Variants in GPHN observed in about 807,000 individuals in gnomAD.
GPHN encodes gephyrin.
Under a neutral mutation model 95.5 loss-of-function variants are expected in GPHN, and 17 were observed. The observed-to-expected ratio is 0.18, with a 90% confidence interval of 0.12 to 0.27. The LOEUF (loss-of-function observed/expected upper bound fraction) is 0.27, where lower values mean the gene tolerates loss of function less well. Among genes scored for constraint, GPHN ranks in the 10% least tolerant of loss-of-function variants. The pLI, the probability that GPHN is intolerant of heterozygous loss-of-function variation, is 1.00. For synonymous variants in GPHN, 320 were observed against 322.5 expected (o/e 0.99, Z 0.08); for missense variants, 660 against 978.1 (o/e 0.67, Z 4.34).
chr14:67,258,840 G>A, the GPHN span, among the ~76,000 whole-genome samples: 14 of 152,000 alleles, frequency 9.2e-5, no homozygotes, highest in South Asian at 2.9e-3. Flanking sequence ...AATATGTTCG[G>A]ATGATTTTAA....
chr14:66,522,665 C>G (rs2058528541), intron 1 of GPHN, among the ~76,000 whole-genome samples: 1 of 151,926 alleles, frequency 6.6e-6, no homozygotes, highest in African/African-American at 2.4e-5. Flanking sequence ...TATATGTATT[C>G]TTTTACTTTT....
the GPHN span, among the ~76,000 whole-genome samples, chr14:67,445,687 G>T: frequency 7.1e-6 from 1 of 141,618 alleles, no homozygotes; most frequent in Middle Eastern, 4.1e-3. Context: ...AGGCTCAAAT[G>T]ATCCTCCCAC....
intron 4 of GPHN, among the ~76,000 whole-genome samples, chr14:66,848,759 A>G (rs187746762): frequency 6.6e-6 from 1 of 152,118 alleles, no homozygotes; most frequent in East Asian, 1.9e-4. Flanking sequence ...GAACATGGAA[A>G]TAATACATGC....
chr14:67,119,147 T>C (rs1567358436), intron 16 of GPHN, among the ~76,000 whole-genome samples: 1 of 152,240 alleles, frequency 6.6e-6, no homozygotes, highest in Non-Finnish European at 1.5e-5. Flanking sequence ...TTAAAACAAG[T>C]TGTCCATGAT....
intron 2 of GPHN, among the ~76,000 whole-genome samples, chr14:66,726,170 C>T (rs966627328): frequency 2.0e-5 from 3 of 152,194 alleles, no homozygotes; most frequent in African/African-American, 7.2e-5. Flanking sequence ...TATGCCTTAT[C>T]TACTCCCGTT....
chr14:67,353,001 C>G, the GPHN span: 6 of 1,613,874 alleles, frequency 3.7e-6, no homozygotes, highest in African/African-American at 1.3e-5. Context: ...TTCGACCTGT[C>G]TGTGCTCCCT....
At chr14:66,952,987 C>G (rs1438768073) in intron 8 of GPHN, among the ~76,000 whole-genome samples, 1 of 151,360 alleles carries the variant, frequency 6.6e-6, no homozygotes, top group Non-Finnish European at 1.5e-5. Context: ...AGCCACTGCA[C>G]CGGGCCTTCT....
chr14:67,259,428 C>T, the GPHN span, among the ~76,000 whole-genome samples: 13 of 151,444 alleles, frequency 8.6e-5, no homozygotes, highest in East Asian at 2.4e-3. Context: ...CTGGCCAACA[C>T]GGTGAAACCC....
chr14:66,728,917 G>A (rs1422581498), intron 2 of GPHN, among the ~76,000 whole-genome samples: 8 of 152,156 alleles, frequency 5.3e-5, no homozygotes, highest in African/African-American at 1.9e-4. Context: ...TCCCCACCCA[G>A]ATCTCATCTT....
At chr14:67,628,919 T>C in the GPHN span, among the ~76,000 whole-genome samples, 117,795 of 152,194 alleles carry the variant, frequency 0.77, 46,494 homozygotes, top group African/African-American at 0.93. Flanking sequence ...GAAGTAGTTG[T>C]GTACCCATGT....
intron 3 of GPHN, among the ~76,000 whole-genome samples, chr14:66,795,046 G>T (rs1424673172): frequency 1.3e-5 from 2 of 152,016 alleles, no homozygotes; most frequent in Admixed American, 1.3e-4. Flanking sequence ...TTTGAGTCCA[G>T]CCTGGGCATC....
chr14:67,266,417 C>G, the GPHN span, among the ~76,000 whole-genome samples: 49 of 152,258 alleles, frequency 3.2e-4, 1 homozygote, highest in Admixed American at 1.8e-3. Flanking sequence ...CCTCTGCCTC[C>G]TGGGTTCAAG....
chr14:67,407,802 A>G, the GPHN span, among the ~76,000 whole-genome samples: 5 of 152,026 alleles, frequency 3.3e-5, no homozygotes, highest in African/African-American at 7.2e-5. Context: ...AAGGCTCTAT[A>G]ACCCTGAGAA....
At chr14:67,021,376 C>T (rs750583130) in intron 9 of GPHN, among the ~76,000 whole-genome samples, 1 of 152,058 alleles carries the variant, frequency 6.6e-6, no homozygotes, top group Non-Finnish European at 1.5e-5. Context: ...TTGATAAACG[C>T]TCAGATTCAG....
At chr14:67,565,781 G>A in the GPHN span, among the ~76,000 whole-genome samples, 54 of 152,226 alleles carry the variant, frequency 3.5e-4, no homozygotes, top group African/African-American at 1.2e-3. Flanking sequence ...CCACTGCTCG[G>A]GAGACCTGTA....
At chr14:67,414,481 G>A in the GPHN span, among the ~76,000 whole-genome samples, 2 of 152,332 alleles carry the variant, frequency 1.3e-5, no homozygotes, top group African/African-American at 4.8e-5. Context: ...GAGGGGGCAG[G>A]GACGAGCAAG....
the GPHN span, among the ~76,000 whole-genome samples, chr14:67,681,231 GAAGGCAGGCCTCAC>G: frequency 6.6e-6 from 1 of 152,226 alleles, no homozygotes; most frequent in Non-Finnish European, 1.5e-5. Flanking sequence ...TGGAAGTCAG[GAAGGCAGGCCTCAC>G]CAGAGACCAA....
intron 5 of GPHN, among the ~76,000 whole-genome samples, chr14:66,885,629 G>A (rs2064148905): frequency 6.6e-6 from 1 of 152,024 alleles, no homozygotes; most frequent in African/African-American, 2.4e-5. Context: ...GATTTATAAG[G>A]ACAGTACCTA....
chr14:66,720,726 A>G (rs1424782952), intron 2 of GPHN, among the ~76,000 whole-genome samples: 1 of 152,218 alleles, frequency 6.6e-6, no homozygotes, highest in African/African-American at 2.4e-5. Context: ...TAGGCCAGGC[A>G]TGGTGGCTTA....
Sources: gnomAD v4.1 joint callset for allele counts (sites outside exome capture counted in the v4.1 genomes callset) on GRCh38, gnomAD v4.1.1 for gene constraint, MANE v1.5 for transcripts, NCBI Gene and HGNC (gene_info 2026-07-23, HGNC 2026-07-21) for gene names.